Variants in TMEM245 observed in about 807,000 individuals in gnomAD.
The protein encoded by TMEM245 is protein CG-2.
A neutral mutation model predicts 101.2 loss-of-function variants in TMEM245; 69 were observed. The ratio of observed to expected loss-of-function variants is 0.68; its 90% confidence interval spans 0.56 to 0.83. The LOEUF is 0.83. TMEM245 is among the 40% of genes least tolerant of loss of function. The pLI, the probability that TMEM245 is intolerant of heterozygous loss-of-function variation, is 0.00. For missense variants in TMEM245, 1,075 were observed against 1,092.8 expected (o/e 0.98, Z 0.23); for synonymous variants, 537 against 449.8 (o/e 1.19, Z -2.45).
At chr9:109,020,751 G>A (rs1032240772) in intron 17 of TMEM245, among the ~76,000 whole-genome samples, 1 of 152,162 alleles carries the variant, frequency 6.6e-6, no homozygotes, top group African/African-American at 2.4e-5. Context: ...ACGTGACTAC[G>A]CTTTGGTTAA....
intron 14 of TMEM245, among the ~76,000 whole-genome samples, chr9:109,043,226 A>G (rs1828371748): frequency 1.3e-5 from 2 of 152,230 alleles, no homozygotes; most frequent in Non-Finnish European, 2.9e-5. Flanking sequence ...CTGTCTTACT[A>G]TCTATGAAAG....
intron 2 of TMEM245, among the ~76,000 whole-genome samples, chr9:109,107,304 CAGG>C (rs1276199947): frequency 6.6e-6 from 1 of 150,668 alleles, no homozygotes; most frequent in South Asian, 2.1e-4. Flanking sequence ...GGGGCTGAGA[CAGG>C]AGAATTGCTT....
chr9:109,043,696 C>A (rs1164765491), intron 14 of TMEM245, among the ~76,000 whole-genome samples: 5 of 152,314 alleles, frequency 3.3e-5, no homozygotes, highest in African/African-American at 1.2e-4. Flanking sequence ...GACACACCAG[C>A]CACTGAGCTA....
At chr9:109,074,280 T>A (rs982768645) in intron 8 of TMEM245, among the ~76,000 whole-genome samples, 4 of 151,804 alleles carry the variant, frequency 2.6e-5, no homozygotes, top group Non-Finnish European at 5.9e-5. Flanking sequence ...TGAAAAAAAA[T>A]TTTTTCACCC....
chr9:109,020,614 G>T, intron 17 of TMEM245, 109 bp from the exon 18 acceptor site: 1 of 953,116 alleles, frequency 1.0e-6, no homozygotes, highest in Non-Finnish European at 1.6e-6. Flanking sequence ...TTTTTCTTAA[G>T]ATTTTCATTG....
At chr9:109,103,482 A>C (rs12002409) in intron 3 of TMEM245, among the ~76,000 whole-genome samples, 2,568 of 152,322 alleles carry the variant, frequency 0.017, 76 homozygotes, top group African/African-American at 0.059. Context: ...AGAAACCTAA[A>C]TGTCCATCAA....
chr9:109,097,644 C>T (rs1472338850), intron 3 of TMEM245, among the ~76,000 whole-genome samples: 1 of 152,182 alleles, frequency 6.6e-6, no homozygotes, highest in Non-Finnish European at 1.5e-5. Context: ...GCTGGCTGGG[C>T]ACAGTGGCTC....
At chr9:109,058,555 G>A (rs879324539) in intron 11 of TMEM245, among the ~76,000 whole-genome samples, 10 of 152,116 alleles carry the variant, frequency 6.6e-5, no homozygotes, top group Non-Finnish European at 1.2e-4. Context: ...AACATAGTGA[G>A]ATCCTATCTT....
intron 7 of TMEM245, among the ~76,000 whole-genome samples, chr9:109,081,878 CATT>C (rs975193761): frequency 2.0e-5 from 3 of 152,074 alleles, no homozygotes; most frequent in Admixed American, 6.6e-5. Context: ...AATAATCCTA[CATT>C]TTAAACAACT....
intron 9 of TMEM245, among the ~76,000 whole-genome samples, chr9:109,068,136 G>C (rs1829223193): frequency 6.6e-6 from 1 of 152,074 alleles, no homozygotes; most frequent in Non-Finnish European, 1.5e-5. Flanking sequence ...GGTAGGCCGA[G>C]GCAGGTGGAT....
rs1828770759 is a variant in TMEM245 at position 109,054,217 on chromosome 9, G to A, written c.1854+2974C>T. Among the ~76,000 whole-genome samples, 3 of 152,138 alleles carry A rather than the reference G, an allele frequency of 2.0e-5. No individual in the cohort carries two copies. In the South Asian group the frequency reaches 6.2e-4, roughly 32 times the overall value. ...GTGGTGGTGTATGCCTGTAGTCCCA[G>A]CTACTCAGGAGGAAGAAGGAGGAGG... On this transcript the variant is annotated intron_variant, in intron 12 of 17. Coordinates refer to ENST00000374586, the MANE Select transcript of TMEM245 (RefSeq NM_032012.4).
At chr9:109,063,569 T>C (rs1276508445) in intron 10 of TMEM245, among the ~76,000 whole-genome samples, 1 of 152,228 alleles carries the variant, frequency 6.6e-6, no homozygotes, top group African/African-American at 2.4e-5. Flanking sequence ...TACATAATCC[T>C]AATTATTTCA....
chr9:109,091,535 T>C (rs764702418), intron 4 of TMEM245, among the ~76,000 whole-genome samples: 49 of 152,356 alleles, frequency 3.2e-4, no homozygotes, highest in Non-Finnish European at 5.9e-4. Context: ...TTTCTTTCAA[T>C]AGAACTTTAG....
chr9:109,036,044 T>C (rs977035833), intron 16 of TMEM245, 162 bp downstream of exon 16: 3 of 459,950 alleles, frequency 6.5e-6, no homozygotes, highest in Non-Finnish European at 1.1e-5. Context: ...AATACTATTT[T>C]CAATGAAAAT....
At chr9:109,053,184 G>A (rs1192453677) in intron 12 of TMEM245, among the ~76,000 whole-genome samples, 1 of 152,170 alleles carries the variant, frequency 6.6e-6, no homozygotes, top group East Asian at 1.9e-4. Flanking sequence ...TCAGCACTTT[G>A]GGAGGCCAAG....
chr9:109,076,329 A>G (rs1829498557), intron 8 of TMEM245, among the ~76,000 whole-genome samples: 1 of 147,588 alleles, frequency 6.8e-6, no homozygotes. Context: ...GAACTGAACA[A>G]TGAGAATACA....
At chr9:109,060,510 T>C (rs1828981215) in intron 10 of TMEM245, 58 bp from the exon 11 acceptor site, 2 of 1,173,054 alleles carry the variant, frequency 1.7e-6, no homozygotes, top group Non-Finnish European at 2.5e-6. Context: ...CAGAGTAAAA[T>C]TAATATATGC....
intron 12 of TMEM245, 102 bp from the exon 13 acceptor site, chr9:109,050,794 G>A (rs1458044905): frequency 2.7e-5 from 33 of 1,206,242 alleles, no homozygotes; most frequent in East Asian, 7.7e-5. Context: ...ACCATGAACT[G>A]AAAAGCTAAG....
In TMEM245 at chr9:109,091,530, T is replaced by C. The variant is rs575867635; in HGVS notation, c.917-375A>G. Among the ~76,000 whole-genome samples, 32 of 152,340 alleles carry C rather than the reference T, an allele frequency of 2.1e-4. No individual in the cohort carries two copies. In the Middle Eastern group the frequency reaches 0.02, roughly 97 times the overall value. ...TTCTATATTTAAAAATCCCTTTTCTTTCAATAGAACTTTAGATTAGGTGTA... is the reference window on the plus strand; with the variant it reads ...TTCTATATTTAAAAATCCCTTTTCTCTCAATAGAACTTTAGATTAGGTGTA... On this transcript the variant is annotated intron_variant, in intron 4 of 17. Transcript: ENST00000374586.
Sources: allele counts gnomAD v4.1 joint callset (sites outside exome capture counted in the v4.1 genomes callset), GRCh38; gene constraint gnomAD v4.1.1; transcripts MANE v1.5; gene names NCBI Gene and HGNC (gene_info 2026-07-23, HGNC 2026-07-21).